The following DCHS2 variants were observed in gnomAD, a reference collection of about 807,000 sequenced individuals.
The protein encoded by DCHS2 is protocadherin-23.
Under a neutral mutation model 182.4 loss-of-function variants are expected in DCHS2, and 142 were observed. The observed-to-expected ratio is 0.78, with a 90% confidence interval of 0.68 to 0.89. DCHS2 has a LOEUF of 0.89. Among genes scored for constraint, DCHS2 ranks in the 40% least tolerant of loss-of-function variants. DCHS2 has a pLI of 0.00. For synonymous variants in DCHS2, 1,740 were observed against 1,663.3 expected, an observed-to-expected ratio of 1.05 and a Z score of -1.12; for missense variants, 4,319 against 4,198.6, an observed-to-expected ratio of 1.03 and a Z score of -0.79.
chr4:154,343,738 C>A lies in DCHS2; in HGVS notation c.2477-8634G>T, dbSNP rs1729220439. 2.5e-6 allele frequency: 3 copies of A among 1,179,814 alleles called. No homozygotes were observed. In the African/African-American group the frequency reaches 4.7e-5, roughly 18 times the overall value. 73.1% of individuals were successfully genotyped at this position (1,179,814 alleles called of 1,614,324 possible). On this transcript the variant is annotated intron_variant, in intron 3 of 19. Coordinates refer to ENST00000357232, the MANE Select transcript of DCHS2 (RefSeq NM_001358235.2). ...CTTTGATCTATCCAGACCACTCAAACTTTCTGACTCAGCAATGAGTCTCTT... is the reference window on the plus strand; with the variant it reads ...CTTTGATCTATCCAGACCACTCAAAATTTCTGACTCAGCAATGAGTCTCTT...
rs531020917 is a variant in DCHS2, at chr4:154,456,340, C to T, written c.2052+32964G>A. On this transcript the variant is annotated intron_variant, in intron 1 of 19. Transcript: ENST00000357232. ...CATTTATTGAGCCTCTTTTATTTAT[C>T]ATCAACAGTGCAGTAGCTGCTGATG... Among the ~76,000 whole-genome samples the T allele has an allele frequency of 2.6e-5, 4 of 152,284 alleles. No homozygotes were observed. The East Asian group carries it at 7.7e-4, about 29-fold the overall frequency.
intron 1 of DCHS2, among the ~76,000 whole-genome samples, chr4:154,455,637 A>C (rs1560769489): frequency 6.6e-6 from 1 of 152,228 alleles, no homozygotes; most frequent in Non-Finnish European, 1.5e-5. Context: ...TGGGGAGTAG[A>C]CTCCAAATAA....
At position 154,236,811 on chromosome 4, in the gene DCHS2, A is replaced by C. The variant is rs1361737984; in HGVS notation, c.7841T>G (p.Val2614Gly). 1.9e-6 allele frequency: 3 copies of C among 1,614,056 alleles called. No homozygotes were observed. Among genetic ancestry groups the C allele is most frequent in the Non-Finnish European group, 1.7e-6 (2 of 1,179,984 alleles). ...ACTGTGAAGCAACACAAGATAACCG[A>C]CTTGCTTATAAGGATATTCTGAATG... ...FFHSEYPYKQVGYLVLLHSLD... is the reference protein window; with the variant it reads ...FFHSEYPYKQGGYLVLLHSLD... The change falls in exon 20 of 20, where the codon GTC (valine) becomes GGC (glycine). Residue 2614 changes from valine (V) to glycine (G), a missense_variant. Val to Gly is a moderately radical substitution (Grantham distance 109). Coordinates refer to ENST00000357232, the MANE Select transcript of DCHS2 (RefSeq NM_001358235.2).
intron 2 of DCHS2, among the ~76,000 whole-genome samples, chr4:154,376,782 T>A (rs144163731): frequency 1.3e-5 from 2 of 152,166 alleles, no homozygotes; most frequent in African/African-American, 4.8e-5. Flanking sequence ...AAGGATGTAA[T>A]CAGCCACATT....
rs774223951 is a variant in DCHS2 at position 154,236,618 on chromosome 4, G to A, written c.8034C>T (p.Thr2678=). The change falls in exon 20 of 20, where the codon ACC becomes ACT. Residue 2678 remains threonine (T), a synonymous_variant. Coordinates refer to ENST00000357232, the MANE Select transcript of DCHS2 (RefSeq NM_001358235.2). ...CCACAGTGATGTGACTCCCTAGAGG[G>A]GTGCTTTCCTTGACATGGGTGTGAT... ...LSYHTHVKES[T]PLGSHITVVS... 3.1e-6 allele frequency: 5 copies of A among 1,613,918 alleles called. No homozygotes were observed. The South Asian group carries it at 5.5e-5, about 18-fold the overall frequency.
chr4:154,372,694 A>C (rs2110791318), intron 2 of DCHS2, among the ~76,000 whole-genome samples: 1 of 152,280 alleles, frequency 6.6e-6, no homozygotes, highest in East Asian at 1.9e-4. Flanking sequence ...CTTGTGAAAA[A>C]CCACTTGATT....
chr4:154,437,292 C>T (rs1424298681), intron 1 of DCHS2, among the ~76,000 whole-genome samples: 1 of 152,162 alleles, frequency 6.6e-6, no homozygotes, highest in East Asian at 1.9e-4. Context: ...CCACTGCTTC[C>T]ATCAATAAAC....
intron 9 of DCHS2, among the ~76,000 whole-genome samples, chr4:154,316,912 CAGAT>C (rs760563688): frequency 2.0e-5 from 3 of 152,214 alleles, no homozygotes; most frequent in African/African-American, 4.8e-5. Flanking sequence ...TACTGGCACA[CAGAT>C]AGCCATTATA....
intron 1 of DCHS2, among the ~76,000 whole-genome samples, chr4:154,468,568 A>T (rs1268997817): frequency 1.3e-5 from 2 of 152,166 alleles, no homozygotes; most frequent in Admixed American, 1.3e-4. Context: ...TTGATGGGAT[A>T]TCATGTTAAT....
chr4:154,247,528 G>A (rs952904534), intron 16 of DCHS2, among the ~76,000 whole-genome samples: 10 of 151,606 alleles, frequency 6.6e-5, no homozygotes, highest in Non-Finnish European at 8.8e-5. Context: ...TGTAGTCCCA[G>A]CTACTTGAGA....
Position 154,236,984 on chromosome 4 carries a change from A to G in DCHS2, c.7668T>C (p.Leu2556=). ...CAACCAGAGCATCCTCACTTAGGCT[A>G]AGATTATAGGATTTGACTGTGAATT... The part of the protein sequence containing the change: ...APEFTVKSYN[L]SLSEDALVGS... Residue 2556 remains leucine, a synonymous_variant, in exon 20 of 20, where the codon CTT becomes CTC. Coordinates refer to ENST00000357232, the MANE Select transcript of DCHS2 (RefSeq NM_001358235.2). The G allele has an allele frequency of 6.2e-7, 1 of 1,614,034 alleles. No homozygotes were observed. Among genetic ancestry groups the G allele is most frequent in the Non-Finnish European group, 8.5e-7 (1 of 1,179,906 alleles).
At chr4:154,302,771 A>C (rs1735252344) in intron 12 of DCHS2, among the ~76,000 whole-genome samples, 1 of 149,770 alleles carries the variant, frequency 6.7e-6, no homozygotes, top group African/African-American at 2.5e-5. Context: ...GGAAGGTGAC[A>C]CAAGGGGAGG....
chr4:154,273,587 C>T (rs1249728288), intron 13 of DCHS2, among the ~76,000 whole-genome samples: 4 of 151,760 alleles, frequency 2.6e-5, no homozygotes, highest in East Asian at 1.9e-4. Context: ...CCATCTGTTT[C>T]CCCAAAACCT....
intron 1 of DCHS2, among the ~76,000 whole-genome samples, chr4:154,387,890 T>C (rs924827286): frequency 1.3e-5 from 2 of 151,910 alleles, no homozygotes; most frequent in Non-Finnish European, 2.9e-5. Flanking sequence ...CATAGAAAAA[T>C]ATATTTAAGA....
At chr4:154,469,792 C>T (rs75042538) in intron 1 of DCHS2, among the ~76,000 whole-genome samples, 2,888 of 152,312 alleles carry the variant, frequency 0.019, 93 homozygotes, top group African/African-American at 0.066. Context: ...AGCATGGCTG[C>T]CTCCTTATCA....
chr4:154,253,718 A>ACTT (rs1449147006), intron 16 of DCHS2, among the ~76,000 whole-genome samples: 73 of 152,362 alleles, frequency 4.8e-4, no homozygotes, highest in African/African-American at 1.7e-3. Flanking sequence ...CTTTTAAAAT[A>ACTT]CTTTTGAAGT....
chr4:154,240,708 A>G lies in DCHS2; in HGVS notation c.7188T>C (p.Asp2396=). The G allele has an allele frequency of 6.2e-7, 1 of 1,613,996 alleles. No individual in the cohort carries two copies. Reference sequence around the variant, plus strand: ...CCAACACCACCACTCCAGTGTTCTGATCAATAGCAAACTTGGTTCCAGGAT... The same window carrying G: ...CCAACACCACCACTCCAGTGTTCTGGTCAATAGCAAACTTGGTTCCAGGAT... ...ESNPGTKFAI[D]QNTGVVVLVK... The change falls in exon 18 of 20, where the codon GAT becomes GAC. Residue 2396 remains aspartate (D), a synonymous_variant. Coordinates refer to ENST00000357232, the MANE Select transcript of DCHS2 (RefSeq NM_001358235.2).
intron 1 of DCHS2, among the ~76,000 whole-genome samples, chr4:154,413,957 A>C (rs1732728373): frequency 6.6e-6 from 1 of 152,034 alleles, no homozygotes; most frequent in Admixed American, 6.6e-5. Context: ...TATCTGCTTT[A>C]TTTTCCTTCT....
intron 1 of DCHS2, among the ~76,000 whole-genome samples, chr4:154,449,648 C>T (rs1734453664): frequency 6.6e-6 from 1 of 152,208 alleles, no homozygotes; most frequent in Non-Finnish European, 1.5e-5. Context: ...GCTGGGATTA[C>T]AGGCATGAGC....
Sources: allele counts gnomAD v4.1 joint callset (sites outside exome capture counted in the v4.1 genomes callset), GRCh38; gene constraint gnomAD v4.1.1; transcripts MANE v1.5; gene names NCBI Gene and HGNC (gene_info 2026-07-23, HGNC 2026-07-21).